The following USH2A variants were observed in gnomAD, a reference collection of about 807,000 sequenced individuals.
USH2A encodes the protein Usher syndrome 2A (autosomal recessive, mild).
USH2A carries 443 observed loss-of-function variants against 538.9 expected under a neutral mutation model. That is an observed-to-expected ratio of 0.82 (90% CI 0.76 to 0.89). The LOEUF is 0.89. Ranked by LOEUF, USH2A falls within the 40% of genes least tolerant of loss-of-function variation. The pLI, the probability that USH2A is intolerant of heterozygous loss-of-function variation, is 0.00. For synonymous variants in USH2A, 2,413 were observed against 2,273.5 expected (o/e 1.06, Z -1.75); for missense variants, 6,633 against 6,324.8 (o/e 1.05, Z -1.65).
intron 21 of USH2A, among the ~76,000 whole-genome samples, chr1:216,134,108 T>A (rs974017821): frequency 2.0e-5 from 3 of 152,166 alleles, no homozygotes; most frequent in African/African-American, 7.2e-5. Context: ...AAACAAAAGC[T>A]GTTTTCTGTG....
chr1:216,046,421 G>A lies in USH2A; in HGVS notation c.6325+10C>T, dbSNP rs1571913764. On this transcript the variant is annotated intron_variant, in intron 32 of 71. Transcript: ENST00000307340. ...CTATAACAATTCGCTGATAACTCTA[G>A]AGGTCTTACCTGTGACTATGTAGTT... The A allele has an allele frequency of 6.2e-7, 1 of 1,613,118 alleles. No homozygotes were observed.
At chr1:215,639,868 G>T (rs1409520551) in intron 68 of USH2A, among the ~76,000 whole-genome samples, 1 of 152,168 alleles carries the variant, frequency 6.6e-6, no homozygotes, top group Non-Finnish European at 1.5e-5. Flanking sequence ...ATGCAATGCT[G>T]GAGCTCACTG....
At position 216,199,922 on chromosome 1, in the gene USH2A, G is replaced by C; in HGVS notation, c.3516C>G (p.Leu1172=). 1 of 1,614,106 alleles carries C rather than the reference G, an allele frequency of 6.2e-7. No homozygotes were observed. Among genetic ancestry groups the C allele is most frequent in the Non-Finnish European group, 8.5e-7 (1 of 1,179,994 alleles). The change falls in exon 17 of 72, where the codon CTC becomes CTG. Residue 1172 remains leucine, a synonymous_variant. Transcript: ENST00000307340. ...SDSVTLTWTT[L]SNQSGPIEKY... ...TCTCTATGGGACCAGATTGATTTGA[G>C]AGTGTTGTCCAGGTAAGTGTCACAG...
chr1:216,165,401 G>A (rs891322389), intron 21 of USH2A, among the ~76,000 whole-genome samples: 1 of 152,132 alleles, frequency 6.6e-6, no homozygotes, highest in Admixed American at 6.5e-5. Context: ...TAACACTCTA[G>A]CTATAACAAC....
chr1:215,758,525 T>C (rs1394815925), intron 58 of USH2A, 70 bp downstream of exon 58: 1 of 1,541,386 alleles, frequency 6.5e-7, no homozygotes. Flanking sequence ...TTAACAGTTC[T>C]ATTCTTATCT....
At chr1:215,764,309 A>C (rs1224825220) in intron 56 of USH2A, among the ~76,000 whole-genome samples, 1 of 152,160 alleles carries the variant, frequency 6.6e-6, no homozygotes, top group Non-Finnish European at 1.5e-5. Context: ...ACTGAAAAAG[A>C]CTGGGTCTTC....
At chr1:216,298,390 A>C (rs1571675768) in intron 9 of USH2A, among the ~76,000 whole-genome samples, 1 of 152,186 alleles carries the variant, frequency 6.6e-6, no homozygotes, top group Non-Finnish European at 1.5e-5. Context: ...TTCAGATTTT[A>C]TACTTAACGT....
At chr1:215,801,667 T>C (rs1378319245) in intron 49 of USH2A, among the ~76,000 whole-genome samples, 1 of 152,162 alleles carries the variant, frequency 6.6e-6, no homozygotes, top group Non-Finnish European at 1.5e-5. Context: ...GTTTATGGAC[T>C]GGGAGCCTTA....
At chr1:216,078,651 C>T (rs940873478) in intron 26 of USH2A, among the ~76,000 whole-genome samples, 1 of 152,100 alleles carries the variant, frequency 6.6e-6, no homozygotes, top group Admixed American at 6.6e-5. Flanking sequence ...TTTGCTGCAA[C>T]ATAGTTAGAA....
At chr1:215,734,875 C>A (rs1322729611) in intron 60 of USH2A, among the ~76,000 whole-genome samples, 2 of 152,184 alleles carry the variant, frequency 1.3e-5, no homozygotes, top group African/African-American at 4.8e-5. Flanking sequence ...TGGTGAGAAC[C>A]ATTTAACCAG....
chr1:216,313,369 C>T (rs1196327000), intron 9 of USH2A, among the ~76,000 whole-genome samples: 3 of 152,144 alleles, frequency 2.0e-5, no homozygotes, highest in Non-Finnish European at 4.4e-5. Flanking sequence ...TTAATGAGCC[C>T]TGTGCTCATT....
chr1:215,842,604 T>A (rs1663713912), intron 46 of USH2A, among the ~76,000 whole-genome samples: 1 of 152,194 alleles, frequency 6.6e-6, no homozygotes, highest in South Asian at 2.1e-4. Context: ...GTGGTACATG[T>A]ACACCATGGA....
chr1:216,326,647 G>A (rs148498473), intron 5 of USH2A, among the ~76,000 whole-genome samples: 103 of 152,018 alleles, frequency 6.8e-4, no homozygotes, highest in Middle Eastern at 3.4e-3. Context: ...TGTGTTCCAG[G>A]GCCATGGCAC....
At chr1:215,762,208 C>A (rs1558087031) in intron 56 of USH2A, among the ~76,000 whole-genome samples, 1 of 152,080 alleles carries the variant, frequency 6.6e-6, no homozygotes, top group African/African-American at 2.4e-5. Flanking sequence ...GATGATTCAA[C>A]CAATCAGAGT....
intron 3 of USH2A, among the ~76,000 whole-genome samples, chr1:216,410,489 T>TA (rs1208102822): frequency 6.6e-6 from 1 of 152,032 alleles, no homozygotes; most frequent in Non-Finnish European, 1.5e-5. Context: ...TTTCTTTTGT[T>TA]ACACCTTTTT....
At chr1:215,865,819 G>C (rs1024062381) in intron 44 of USH2A, among the ~76,000 whole-genome samples, 1 of 152,168 alleles carries the variant, frequency 6.6e-6, no homozygotes, top group Non-Finnish European at 1.5e-5. Flanking sequence ...CTAACCTACT[G>C]ATTTAATTTA....
intron 26 of USH2A, chr1:216,079,119 G>T (rs868201008): frequency 6.6e-6 from 1 of 152,078 alleles, no homozygotes; most frequent in African/African-American, 2.4e-5. Flanking sequence ...GAGATCAATT[G>T]TGTCGAGTAA....
intron 3 of USH2A, among the ~76,000 whole-genome samples, chr1:216,409,835 C>T (rs896219914): frequency 4.0e-5 from 6 of 151,878 alleles, no homozygotes; most frequent in South Asian, 2.1e-4. Context: ...AAAGATTTCA[C>T]GACAGAGATG....
At chr1:215,656,754 C>CATTTGATT (rs956434253) in intron 64 of USH2A, among the ~76,000 whole-genome samples, 5 of 152,008 alleles carry the variant, frequency 3.3e-5, no homozygotes, top group African/African-American at 1.2e-4. Context: ...GGGATAATGA[C>CATTTGATT]AATATTTGAT....
Sources: allele counts gnomAD v4.1 joint callset (sites outside exome capture counted in the v4.1 genomes callset), GRCh38; gene constraint gnomAD v4.1.1; transcripts MANE v1.5; gene names NCBI Gene and HGNC (gene_info 2026-07-23, HGNC 2026-07-21).